Variants in CACNG2 observed in about 807,000 individuals in gnomAD.
CACNG2 encodes the protein calcium voltage-gated channel auxiliary subunit gamma 2.
A neutral mutation model predicts 25.9 loss-of-function variants in CACNG2; 3 were observed. The ratio of observed to expected loss-of-function variants is 0.12; its 90% confidence interval spans 0.05 to 0.30. CACNG2 has a LOEUF of 0.30. CACNG2 is among the 10% of genes least tolerant of loss of function. The probability of loss-of-function intolerance (pLI) is 1.00; values close to 1 mark genes in which losing one functional copy is unlikely to be tolerated. For synonymous variants in CACNG2, 167 were observed against 173.3 expected (o/e 0.96, Z 0.29); for missense variants, 341 against 432.5 (o/e 0.79, Z 1.88).
chr22:36,679,136 C>CCCTTCCTTCCTT (rs575397901), intron 1 of CACNG2, among the ~76,000 whole-genome samples: 80 of 128,430 alleles, frequency 6.2e-4, no homozygotes, highest in African/African-American at 8.5e-4. Context: ...TGGATTTTCT[C>CCCTTCCTTCCTT]CCTTCCTTCC....
chr22:36,698,046 T>C (rs1283588220), intron 1 of CACNG2, among the ~76,000 whole-genome samples: 1 of 152,194 alleles, frequency 6.6e-6, no homozygotes, highest in Non-Finnish European at 1.5e-5. Context: ...ACTTATCTTA[T>C]AATAGTGGAT....
At chr22:36,600,201 C>T (rs1314279383) in intron 1 of CACNG2, among the ~76,000 whole-genome samples, 1 of 152,184 alleles carries the variant, frequency 6.6e-6, no homozygotes, top group Non-Finnish European at 1.5e-5. Flanking sequence ...AACTTATCTC[C>T]AGAGCTGTGC....
intron 1 of CACNG2, among the ~76,000 whole-genome samples, chr22:36,627,508 A>G (rs1310149436): frequency 6.6e-6 from 1 of 152,198 alleles, no homozygotes; most frequent in Non-Finnish European, 1.5e-5. Context: ...CCCACTAGCT[A>G]GAGATAACGG....
intron 2 of CACNG2, among the ~76,000 whole-genome samples, chr22:36,570,575 C>T (rs1935208528): frequency 6.6e-6 from 1 of 151,958 alleles, no homozygotes; most frequent in Admixed American, 6.6e-5. Context: ...GCCTGGCTAA[C>T]ATGGTGAAAC....
chr22:36,582,870 T>C (rs1935442348), intron 2 of CACNG2, among the ~76,000 whole-genome samples: 1 of 151,940 alleles, frequency 6.6e-6, no homozygotes, highest in African/African-American at 2.4e-5. Flanking sequence ...ATAACCTCAG[T>C]ACCTCAAAGA....
intron 1 of CACNG2, among the ~76,000 whole-genome samples, chr22:36,654,144 T>C (rs375685269): frequency 1.3e-5 from 2 of 152,234 alleles, no homozygotes; most frequent in African/African-American, 2.4e-5. Flanking sequence ...ATAAATTATA[T>C]TCCCCATATT....
At chr22:36,595,088 T>C (rs540895919) in intron 1 of CACNG2, among the ~76,000 whole-genome samples, 84 of 151,186 alleles carry the variant, frequency 5.6e-4, no homozygotes, top group African/African-American at 1.9e-3. Context: ...TGTACATGGG[T>C]ATGTGAGTCT....
chr22:36,620,674 T>C (rs1166993038), intron 1 of CACNG2, among the ~76,000 whole-genome samples: 1 of 152,228 alleles, frequency 6.6e-6, no homozygotes, highest in Non-Finnish European at 1.5e-5. Flanking sequence ...TAGTGGTAAT[T>C]TGTGACTACC....
intron 1 of CACNG2, among the ~76,000 whole-genome samples, chr22:36,623,018 T>A (rs1936131570): frequency 7.3e-6 from 1 of 137,298 alleles, no homozygotes; most frequent in Non-Finnish European, 1.6e-5. Flanking sequence ...ATGGGTTTTT[T>A]TTTTTTTTTT....
chr22:36,666,129 G>A lies in CACNG2; in HGVS notation c.211+36237C>T, dbSNP rs567669950. Among the ~76,000 whole-genome samples, 46 of 152,316 alleles carry A rather than the reference G, an allele frequency of 3.0e-4. No individual in the cohort carries two copies. The South Asian group carries it at 5.4e-3, about 18-fold the overall frequency. ...CAGACAAAAAGATAAATACTGTCAG[G>A]TGCAGTGGCTCAAACCTGTAACACT... On this transcript the variant is annotated intron_variant, in intron 1 of 3. Transcript: ENST00000300105.
chr22:36,652,632 C>G (rs1936636964), intron 1 of CACNG2, among the ~76,000 whole-genome samples: 1 of 152,072 alleles, frequency 6.6e-6, no homozygotes, highest in Non-Finnish European at 1.5e-5. Flanking sequence ...ATATGGTTAT[C>G]AATGTGCTGT....
intron 1 of CACNG2, among the ~76,000 whole-genome samples, chr22:36,630,593 C>T (rs1936252561): frequency 6.6e-6 from 1 of 152,060 alleles, no homozygotes; most frequent in South Asian, 2.1e-4. Context: ...CCTGTTGGCC[C>T]TGAGAGAGCT....
In CACNG2 at chr22:36,561,796, A is replaced by G. The variant is rs1470276524; in HGVS notation, c.*2555T>C. ...CTGTCAGTCTGAACTGGCCCTTGTC[A>G]CTCTGGGGAAGAAAGGGGAGAAACA... On this transcript the variant is annotated 3_prime_UTR_variant, in exon 4 of 4. Transcript: ENST00000300105. 6.6e-6 allele frequency: 1 copy of G among 152,092 alleles called. No individual in the cohort carries two copies. The highest frequency in any genetic ancestry group is 1.9e-4 in the East Asian group (1 of 5,188). The allele number at this position is 152,092 out of a possible 1,614,324, so 9.4% of individuals were successfully genotyped here.
chr22:36,659,365 G>A (rs1013885368), intron 1 of CACNG2, among the ~76,000 whole-genome samples: 4 of 152,082 alleles, frequency 2.6e-5, no homozygotes, highest in Admixed American at 6.6e-5. Flanking sequence ...TACTTCTCAG[G>A]GACGGGAAAG....
Position 36,564,191 on chromosome 22 carries a change from TTG to T in CACNG2, c.*158_*159del, listed in dbSNP as rs1274016093. ...TACTTGTTATGTTTTTTCTCTTTTT[TTG>T]TGTGTGTGTGTTTTTTTGTTTTTTG... is the stretch of plus-strand genomic sequence containing the variant. On this transcript the variant is annotated 3_prime_UTR_variant, in exon 4 of 4. Transcript: ENST00000300105. This position sits in a 1 kb window ranked among gnomAD's most constrained non-coding sequence, Gnocchi z 6.7. The T allele has an allele frequency of 5.3e-5, 30 of 564,088 alleles. No individual in the cohort carries two copies. Among genetic ancestry groups the T allele is most frequent in the Non-Finnish European group, 6.9e-5 (23 of 334,842 alleles). 34.9% of individuals were successfully genotyped at this position (564,088 alleles called of 1,614,324 possible).
Position 36,564,515 on chromosome 22 carries a change from T to C in CACNG2, c.808A>G (p.Met270Val). ...AGGGGGTCCCTGCTGAGCGTGTACA[T>C]GGAGATCTCCGTGGACGGCAGGGTG... Reference protein sequence around the residue: ...FNTLPSTEISMYTLSRDPLKA... With the variant: ...FNTLPSTEISVYTLSRDPLKA... Residue 270 changes from methionine to valine, a missense_variant, in exon 4 of 4, where the codon ATG becomes GTG. Transcript: ENST00000300105. The surrounding 1 kb of genome is among the most constrained non-coding windows in gnomAD (Gnocchi z 6.7). The C allele has an allele frequency of 6.2e-7, 1 of 1,614,108 alleles. No individual in the cohort carries two copies. The highest frequency in any genetic ancestry group is 1.3e-5 in the African/African-American group (1 of 75,038).
chr22:36,579,074 C>G (rs894445840), intron 2 of CACNG2, among the ~76,000 whole-genome samples: 1 of 152,130 alleles, frequency 6.6e-6, no homozygotes, highest in African/African-American at 2.4e-5. Context: ...ATCCACAAGA[C>G]CTCTCTCTTA....
intron 1 of CACNG2, among the ~76,000 whole-genome samples, chr22:36,592,697 T>C (rs1168102823): frequency 3.3e-5 from 5 of 152,126 alleles, no homozygotes; most frequent in African/African-American, 1.2e-4. Context: ...ATGAGCTAAA[T>C]GATGGCTTGA....
intron 1 of CACNG2, among the ~76,000 whole-genome samples, chr22:36,649,495 T>C (rs1299138585): frequency 6.6e-6 from 1 of 152,218 alleles, no homozygotes; most frequent in Non-Finnish European, 1.5e-5. Flanking sequence ...GGTTTCACCA[T>C]GTTAGCCAGG....
Sources: gnomAD v4.1 joint callset for allele counts (sites outside exome capture counted in the v4.1 genomes callset) on GRCh38, gnomAD v4.1.1 for gene constraint, Gnocchi (gnomAD v3.1) non-coding constraint, MANE v1.5 for transcripts, NCBI Gene and HGNC (gene_info 2026-07-23, HGNC 2026-07-21) for gene names.